Variants in SLC38A9 observed in about 807,000 individuals in gnomAD.
SLC38A9 encodes neutral amino acid transporter 9.
Under a neutral mutation model 62.3 loss-of-function variants are expected in SLC38A9, and 48 were observed. The ratio of observed to expected loss-of-function variants is 0.77; its 90% CI spans 0.61 to 0.98. The LOEUF (loss-of-function observed/expected upper bound fraction) is 0.98, where lower values mean the gene tolerates loss of function less well. Ranked by LOEUF, SLC38A9 falls within the 50% of genes least tolerant of loss-of-function variation. The probability of loss-of-function intolerance (pLI) is 0.00; values close to 1 mark genes in which losing one functional copy is unlikely to be tolerated. For synonymous variants in SLC38A9, 204 were observed against 227.7 expected (o/e 0.90, Z 0.94); for missense variants, 541 against 679.8 (o/e 0.80, Z 2.27).
At chr5:55,662,893 A>C (rs892885320) in intron 8 of SLC38A9, among the ~76,000 whole-genome samples, 76 of 115,720 alleles carry the variant, frequency 6.6e-4, no homozygotes, top group African/African-American at 2.2e-3. Flanking sequence ...TTGTGTCTAT[A>C]ATTCTTTTTT....
chr5:55,636,073 G>A (rs981041588), intron 12 of SLC38A9, among the ~76,000 whole-genome samples: 27 of 152,148 alleles, frequency 1.8e-4, no homozygotes, highest in African/African-American at 5.3e-4. Context: ...TTAAAAATTC[G>A]TCCTTTGGTA....
Position 55,633,917 on chromosome 5 carries a change from A to G in SLC38A9, c.1282-15T>C. ...TCTAAAAAATTCTAATCCAAGAAAGATAATGAGGTCATGTTAAAAATCAAA... is the reference window on the plus strand; with the variant it reads ...TCTAAAAAATTCTAATCCAAGAAAGGTAATGAGGTCATGTTAAAAATCAAA... On this transcript the variant is annotated splice_polypyrimidine_tract_variant and intron_variant, in intron 13 of 15. Coordinates refer to ENST00000396865, the MANE Select transcript of SLC38A9 (RefSeq NM_173514.4). 1 of 1,579,988 alleles carries G rather than the reference A, an allele frequency of 6.3e-7. No homozygotes were observed. Among genetic ancestry groups the G allele is most frequent in the Non-Finnish European group, 8.6e-7 (1 of 1,157,438 alleles).
chr5:55,640,787 T>C (rs1351118743), intron 12 of SLC38A9, among the ~76,000 whole-genome samples: 2 of 151,536 alleles, frequency 1.3e-5, no homozygotes, highest in Admixed American at 6.6e-5. Flanking sequence ...AAACATTAAA[T>C]ACTCTTACTG....
At position 55,694,607 on chromosome 5, in the gene SLC38A9, T is replaced by C. The variant is rs568387213; in HGVS notation, c.113+3239A>G. Among the ~76,000 whole-genome samples the C allele has an allele frequency of 3.3e-5, 5 of 152,266 alleles. No homozygotes were observed. In the South Asian group the frequency reaches 1.0e-3, roughly 32 times the overall value. On this transcript the variant is annotated intron_variant, in intron 3 of 15. Coordinates refer to ENST00000396865, the MANE Select transcript of SLC38A9 (RefSeq NM_173514.4). ...GTAATACCTTAATCAATATACTTTGTTTCTATTTTCATTTTTATAATTGCA... is the reference window on the plus strand; with the variant it reads ...GTAATACCTTAATCAATATACTTTGCTTCTATTTTCATTTTTATAATTGCA...
At chr5:55,663,005 G>A (rs11741684) in intron 8 of SLC38A9, among the ~76,000 whole-genome samples, 90,616 of 151,024 alleles carry the variant, frequency 0.6, 27,732 homozygotes, top group South Asian at 0.7. Context: ...AGAGATTCTC[G>A]TGCCTCAGGC....
intron 2 of SLC38A9, chr5:55,704,486 T>C (rs1235491017): frequency 6.6e-6 from 1 of 152,226 alleles, no homozygotes; most frequent in Admixed American, 6.5e-5. Flanking sequence ...TACAAGCATT[T>C]AGAAAAATGT....
rs1751522162 is a variant in SLC38A9, at chr5:55,672,760, A to G, written c.114-65T>C. On this transcript the variant is annotated intron_variant, in intron 3 of 15. Transcript: ENST00000396865. ...AAAAATTCTGGAAGTCAGCCTTTGAAGAAAATAACTTCTTATCCTCCATTA... is the reference window on the plus strand; with the variant it reads ...AAAAATTCTGGAAGTCAGCCTTTGAGGAAAATAACTTCTTATCCTCCATTA... 5.2e-6 allele frequency: 8 copies of G among 1,531,312 alleles called. No homozygotes were observed. In the East Asian group the frequency reaches 1.4e-4, roughly 26 times the overall value. The allele number at this position is 1,531,312 out of a possible 1,614,324, so 94.9% of individuals were successfully genotyped here.
rs1162981581 is a variant in SLC38A9, at chr5:55,626,000, TC to T, written c.*493del. The stretch of plus-strand genomic sequence containing the variant: ...TATTAACACTGATGCCATGAAAACT[TC>T]TTTTTAAAAATGAGGTATTTGGCTT... On this transcript the variant is annotated 3_prime_UTR_variant, in exon 16 of 16. Transcript: ENST00000396865. The T allele has an allele frequency of 1.3e-5, 2 of 152,974 alleles. No homozygotes were observed. The highest frequency in any genetic ancestry group is 2.9e-5 in the Non-Finnish European group (2 of 68,318). The allele number at this position is 152,974 out of a possible 1,614,324, so 9.5% of individuals were successfully genotyped here.
In SLC38A9 at chr5:55,626,181, A is replaced by G; in HGVS notation, c.*313T>C. 5.0e-6 allele frequency: 1 copy of G among 198,112 alleles called. No homozygotes were observed. The highest frequency in any genetic ancestry group is 1.0e-5 in the Non-Finnish European group (1 of 97,172). The allele number at this position is 198,112 out of a possible 1,614,324, so 12.3% of individuals were successfully genotyped here. On this transcript the variant is annotated 3_prime_UTR_variant, in exon 16 of 16. Coordinates refer to ENST00000396865, the MANE Select transcript of SLC38A9 (RefSeq NM_173514.4). ...TCTTTACTGCAGGCAAAATAAATCC[A>G]CCACCTTTTATCTCTAAAAGCAAAA... is the stretch of plus-strand genomic sequence containing the variant.
chr5:55,703,391 T>A (rs1382430308), intron 2 of SLC38A9, among the ~76,000 whole-genome samples: 2 of 152,180 alleles, frequency 1.3e-5, no homozygotes, highest in Non-Finnish European at 2.9e-5. Context: ...AGTGTAAAAT[T>A]TATTCTTTTA....
At chr5:55,638,728 T>A (rs1315600082) in intron 12 of SLC38A9, among the ~76,000 whole-genome samples, 2 of 152,176 alleles carry the variant, frequency 1.3e-5, no homozygotes, top group Non-Finnish European at 2.9e-5. Context: ...CTTCTCCTGG[T>A]ATATAGCCAA....
chr5:55,656,540 C>T (rs1014115712), intron 9 of SLC38A9, among the ~76,000 whole-genome samples, 175 bp downstream of exon 9: 2 of 151,986 alleles, frequency 1.3e-5, no homozygotes, highest in South Asian at 2.1e-4. Context: ...ATTAACACAG[C>T]CTTTTTGGAG....
intron 3 of SLC38A9, among the ~76,000 whole-genome samples, chr5:55,678,645 C>CTTTGTTTT (rs1561397701): frequency 6.6e-5 from 3 of 45,800 alleles, no homozygotes; most frequent in Admixed American, 3.0e-4. Context: ...CTGAAATGAA[C>CTTTGTTTT]TTTTTTTTTT....
At chr5:55,627,089 A>G (rs1186821773) in intron 15 of SLC38A9, among the ~76,000 whole-genome samples, 1 of 152,202 alleles carries the variant, frequency 6.6e-6, no homozygotes, top group Admixed American at 6.5e-5. Context: ...CATGATTACG[A>G]AAGATAATAA....
chr5:55,677,926 TTGTG>T lies in SLC38A9; in HGVS notation c.114-5235_114-5232del, dbSNP rs10682261. Among the ~76,000 whole-genome samples the T allele has an allele frequency of 4.3e-3, 477 of 112,200 alleles. 9 individuals carry two copies. The highest frequency in any genetic ancestry group is 0.014 in the African/African-American group (441 of 30,672). The allele number at this position is 112,200 out of a possible 152,430, so 73.6% of individuals were successfully genotyped here. ...TAAATCAATACTTTTTTTTTCTTTA[TTGTG>T]TGTGTGTGTGTGTGTGTGTGTGTGT... On this transcript the variant is annotated intron_variant, in intron 3 of 15. Coordinates refer to ENST00000396865, the MANE Select transcript of SLC38A9 (RefSeq NM_173514.4).
chr5:55,680,320 T>C (rs984114108), intron 3 of SLC38A9, among the ~76,000 whole-genome samples: 4 of 152,040 alleles, frequency 2.6e-5, no homozygotes, highest in African/African-American at 9.7e-5. Context: ...CAAAGAAAAA[T>C]AGACTCTTTC....
At chr5:55,687,505 G>T (rs569774366) in intron 3 of SLC38A9, among the ~76,000 whole-genome samples, 1 of 147,988 alleles carries the variant, frequency 6.8e-6, no homozygotes, top group East Asian at 2.0e-4. Flanking sequence ...AAATAGCATT[G>T]AATCTATAAA....
chr5:55,662,351 A>G (rs114118572), intron 8 of SLC38A9, among the ~76,000 whole-genome samples: 1,607 of 152,308 alleles, frequency 0.011, 24 homozygotes, highest in African/African-American at 0.037. Context: ...AAAGACAGAA[A>G]GCAAGTTGCA....
intron 3 of SLC38A9, among the ~76,000 whole-genome samples, chr5:55,676,689 C>T (rs1580303632): frequency 6.6e-6 from 1 of 152,084 alleles, no homozygotes; most frequent in East Asian, 1.9e-4. Context: ...AACAACTGCT[C>T]CGAATTTGAA....
Sources: gnomAD v4.1 joint callset for allele counts (sites outside exome capture counted in the v4.1 genomes callset) on GRCh38, gnomAD v4.1.1 for gene constraint, MANE v1.5 for transcripts, NCBI Gene and HGNC (gene_info 2026-07-23, HGNC 2026-07-21) for gene names.